NELL1: variants seen among roughly 807,000 people sequenced by gnomAD.
The protein encoded by NELL1 is protein kinase C-binding protein NELL1.
A neutral mutation model predicts 107.4 loss-of-function variants in NELL1; 76 were observed. The ratio of observed to expected loss-of-function variants is 0.71; its 90% CI spans 0.59 to 0.86. The LOEUF (loss-of-function observed/expected upper bound fraction) is 0.86, where lower values mean the gene tolerates loss of function less well. Among genes scored for constraint, NELL1 ranks in the 40% least tolerant of loss-of-function variants. The pLI is 0.00. For missense variants in NELL1, 1,024 were observed against 1,005.5 expected (o/e 1.02, Z -0.25); for synonymous variants, 353 against 341.2 (o/e 1.03, Z -0.38).
In NELL1 at chr11:20,777,627, A is replaced by G. The variant is rs188299138; in HGVS notation, c.185-6053A>G. Among the ~76,000 whole-genome samples, 20 of 152,324 alleles carry G rather than the reference A, an allele frequency of 1.3e-4. No individual in the cohort carries two copies. The East Asian group carries it at 2.3e-3, about 18-fold the overall frequency. ...CTCTACATTCAGAAATGAAAAGCCA[A>G]CTGTCATTTCAAATTAAGAAATGTT... On this transcript the variant is annotated intron_variant, in intron 2 of 19. Transcript: ENST00000357134.
chr11:20,893,365 C>T (rs112026725), intron 5 of NELL1, among the ~76,000 whole-genome samples: 1 of 84,762 alleles, frequency 1.2e-5, no homozygotes. Flanking sequence ...CACATGTATC[C>T]CGTGTTTTTT....
At chr11:21,007,882 G>T (rs1244502777) in intron 12 of NELL1, among the ~76,000 whole-genome samples, 1 of 152,068 alleles carries the variant, frequency 6.6e-6, no homozygotes, top group Non-Finnish European at 1.5e-5. Flanking sequence ...ATGTCAATAT[G>T]AATAGAAATA....
chr11:21,140,922 A>G lies in NELL1; in HGVS notation c.1426+27208A>G, dbSNP rs75378755. The stretch of plus-strand genomic sequence containing the variant: ...CAGACTCTGGTTGAGTTTTTTTCCA[A>G]ATTATGTGTCAGAATTATCTTGGTT... On this transcript the variant is annotated intron_variant, in intron 13 of 19. Coordinates refer to ENST00000357134, the MANE Select transcript of NELL1 (RefSeq NM_006157.5). Among the ~76,000 whole-genome samples the G allele has an allele frequency of 9.4e-3, 1,439 of 152,276 alleles. 60 individuals are homozygous for G. In the East Asian group the frequency reaches 0.11, roughly 12 times the overall value.
At chr11:20,685,225 TC>T (rs1418649640) in intron 2 of NELL1, among the ~76,000 whole-genome samples, 1 of 152,082 alleles carries the variant, frequency 6.6e-6, no homozygotes, top group African/African-American at 2.4e-5. Context: ...CTCTTTTGTA[TC>T]CCGTCTCTGA....
intron 14 of NELL1, among the ~76,000 whole-genome samples, chr11:21,277,734 T>C (rs1454378624): frequency 2.6e-5 from 4 of 151,802 alleles, no homozygotes; most frequent in Non-Finnish European, 5.9e-5. Flanking sequence ...AAAGGATGAG[T>C]TCTTGTCCTT....
At chr11:20,686,625 T>C (rs1854311370) in intron 2 of NELL1, among the ~76,000 whole-genome samples, 1 of 152,174 alleles carries the variant, frequency 6.6e-6, no homozygotes, top group African/African-American at 2.4e-5. Flanking sequence ...GCTTGGCATT[T>C]GCCTTGTTCG....
At chr11:21,024,942 T>C (rs1452796716) in intron 12 of NELL1, among the ~76,000 whole-genome samples, 1 of 152,130 alleles carries the variant, frequency 6.6e-6, no homozygotes, top group East Asian at 1.9e-4. Flanking sequence ...TGTTTCTTCA[T>C]CTCAATCTGA....
At chr11:21,332,482 A>G (rs1219539783) in intron 14 of NELL1, among the ~76,000 whole-genome samples, 1 of 151,914 alleles carries the variant, frequency 6.6e-6, no homozygotes, top group African/African-American at 2.4e-5. Flanking sequence ...TATCCCTTCT[A>G]TGTGTCATTA....
intron 11 of NELL1, among the ~76,000 whole-genome samples, chr11:20,953,059 A>ACCC (rs1851099973): frequency 6.6e-6 from 1 of 152,042 alleles, no homozygotes; most frequent in African/African-American, 2.4e-5. Flanking sequence ...CTCATAAAAG[A>ACCC]CCCTTTGGCC....
At chr11:21,438,304 T>C (rs1590932351) in intron 15 of NELL1, among the ~76,000 whole-genome samples, 1 of 152,126 alleles carries the variant, frequency 6.6e-6, no homozygotes, top group East Asian at 1.9e-4. Flanking sequence ...TTGAATATAT[T>C]ATACCATCCT....
chr11:21,336,120 T>C (rs559383925), intron 14 of NELL1, among the ~76,000 whole-genome samples: 1 of 152,214 alleles, frequency 6.6e-6, no homozygotes, highest in South Asian at 2.1e-4. Flanking sequence ...AAAGCCTCAG[T>C]GTTTTTTTCG....
At chr11:21,192,678 A>G (rs1857072377) in intron 13 of NELL1, among the ~76,000 whole-genome samples, 1 of 151,842 alleles carries the variant, frequency 6.6e-6, no homozygotes. Flanking sequence ...TTTCAAATTC[A>G]TGCTTCCTAT....
intron 16 of NELL1, among the ~76,000 whole-genome samples, chr11:21,539,784 G>C (rs1591018885): frequency 6.6e-6 from 1 of 151,556 alleles, no homozygotes; most frequent in African/African-American, 2.4e-5. Context: ...GATAGGGTGT[G>C]GTGGGCCAAA....
chr11:20,794,083 C>G (rs890008558), intron 3 of NELL1, among the ~76,000 whole-genome samples: 2 of 152,110 alleles, frequency 1.3e-5, no homozygotes. Context: ...ATGTAAGCAT[C>G]GTAGGTATTG....
chr11:21,238,344 A>T (rs886296400), intron 14 of NELL1, among the ~76,000 whole-genome samples: 4 of 152,064 alleles, frequency 2.6e-5, no homozygotes, highest in Non-Finnish European at 5.9e-5. Flanking sequence ...AAAAAAAAGT[A>T]GATGTAGAAT....
chr11:21,318,870 C>T (rs561602857), intron 14 of NELL1, among the ~76,000 whole-genome samples: 3 of 152,036 alleles, frequency 2.0e-5, no homozygotes, highest in South Asian at 4.2e-4. Flanking sequence ...GTTAAAATCC[C>T]GACTCTAGTT....
chr11:20,761,408 A>G (rs894390766), intron 2 of NELL1, among the ~76,000 whole-genome samples: 1 of 152,252 alleles, frequency 6.6e-6, no homozygotes, highest in African/African-American at 2.4e-5. Flanking sequence ...GTCTTCAGAA[A>G]TAGTTACCAG....
At chr11:20,959,532 T>C (rs1851246919) in intron 11 of NELL1, among the ~76,000 whole-genome samples, 1 of 152,138 alleles carries the variant, frequency 6.6e-6, no homozygotes, top group African/African-American at 2.4e-5. Flanking sequence ...CTGGGTGAGA[T>C]TGGAGACTAT....
intron 2 of NELL1, among the ~76,000 whole-genome samples, chr11:20,749,593 C>G (rs1209801920): frequency 1.3e-5 from 2 of 151,898 alleles, no homozygotes; most frequent in African/African-American, 2.4e-5. Flanking sequence ...AGAGAAAGAC[C>G]CTTTCTCAAA....
Sources: gnomAD v4.1 joint callset for allele counts (sites outside exome capture counted in the v4.1 genomes callset) on GRCh38, gnomAD v4.1.1 for gene constraint, MANE v1.5 for transcripts, NCBI Gene and HGNC (gene_info 2026-07-23, HGNC 2026-07-21) for gene names.